ZCWPW2: variants seen among roughly 807,000 people sequenced by gnomAD.
ZCWPW2 encodes zinc finger CW-type and PWWP domain containing 2.
Under a neutral mutation model 46.6 loss-of-function variants are expected in ZCWPW2, and 45 were observed. That is an observed-to-expected ratio of 0.96 (90% CI 0.76 to 1.24). ZCWPW2 has a LOEUF of 1.24. Ranked by LOEUF, ZCWPW2 falls within the 50% of genes most tolerant of loss-of-function variation. ZCWPW2 has a pLI of 0.00. For missense variants in ZCWPW2, 429 were observed against 403.9 expected, an observed-to-expected ratio of 1.06 and a Z score of -0.53; for synonymous variants, 152 against 137.1, an observed-to-expected ratio of 1.11 and a Z score of -0.76.
chr3:28,392,065 C>G (rs578024715), intron 2 of ZCWPW2, among the ~76,000 whole-genome samples: 1 of 152,244 alleles, frequency 6.6e-6, no homozygotes, highest in East Asian at 1.9e-4. Context: ...AAAGAAAGAT[C>G]TGATAATATG....
At chr3:28,388,412 G>T (rs1695359883) in intron 1 of ZCWPW2, among the ~76,000 whole-genome samples, 1 of 152,088 alleles carries the variant, frequency 6.6e-6, no homozygotes, top group Non-Finnish European at 1.5e-5. Context: ...TCGTACTTTT[G>T]CCTAATATGA....
Position 28,521,038 on chromosome 3 carries a change from G to A in ZCWPW2, c.831G>A (p.Leu277=). ...TACTAAAAGAGCTGGAGCAAATGCT[G>A]CAGCAAGCACTGCAACCCACAGCCA... is the stretch of plus-strand genomic sequence containing the variant. ...EVLLKELEQM[L]QQALQPTATP... The change falls in exon 9 of 10, where the codon CTG becomes CTA. Residue 277 remains leucine, a synonymous_variant. Transcript: ENST00000383768. 1 of 1,613,102 alleles carries A rather than the reference G, an allele frequency of 6.2e-7. No homozygotes were observed. The highest frequency in any genetic ancestry group is 8.5e-7 in the Non-Finnish European group (1 of 1,179,672).
chr3:28,477,485 C>A (rs55934504), intron 4 of ZCWPW2, among the ~76,000 whole-genome samples: 4,027 of 152,264 alleles, frequency 0.026, 158 homozygotes, highest in African/African-American at 0.086. Flanking sequence ...TTGCCTCCAT[C>A]TTCATGGACC....
chr3:28,440,951 C>G (rs1169819441), intron 4 of ZCWPW2, among the ~76,000 whole-genome samples: 2 of 152,186 alleles, frequency 1.3e-5, no homozygotes, highest in African/African-American at 2.4e-5. Context: ...ATATCGAAGA[C>G]TCAGTGTTGG....
At chr3:28,499,818 G>T (rs1700092695) in intron 6 of ZCWPW2, among the ~76,000 whole-genome samples, 1 of 151,828 alleles carries the variant, frequency 6.6e-6, no homozygotes, top group Admixed American at 6.6e-5. Flanking sequence ...TATTTTTTCT[G>T]ATTGATTTGT....
chr3:28,370,306 A>G (rs1435660335), intron 1 of ZCWPW2, among the ~76,000 whole-genome samples: 2 of 152,170 alleles, frequency 1.3e-5, no homozygotes, highest in Non-Finnish European at 2.9e-5. Context: ...CTTCACCCCA[A>G]AAAACATTCA....
chr3:28,413,425 TTTTG>T, intron 3 of ZCWPW2, 25 bp downstream of exon 3: 1 of 1,552,576 alleles, frequency 6.4e-7, no homozygotes, highest in East Asian at 2.3e-5. Flanking sequence ...GTTTTATGAC[TTTTG>T]AAATGTAGTC....
intron 6 of ZCWPW2, among the ~76,000 whole-genome samples, chr3:28,511,340 T>A (rs1265019974): frequency 1.3e-5 from 2 of 152,134 alleles, no homozygotes; most frequent in Non-Finnish European, 2.9e-5. Flanking sequence ...TGAATGTACA[T>A]AATGTAAACA....
At chr3:28,362,095 C>T (rs1246457572) in intron 1 of ZCWPW2, among the ~76,000 whole-genome samples, 1 of 152,004 alleles carries the variant, frequency 6.6e-6, no homozygotes, top group African/African-American at 2.4e-5. Flanking sequence ...CAGTCGCTCA[C>T]AGTGACCAAA....
At chr3:28,501,787 C>A (rs1035057623) in intron 6 of ZCWPW2, among the ~76,000 whole-genome samples, 3 of 152,042 alleles carry the variant, frequency 2.0e-5, no homozygotes, top group Non-Finnish European at 4.4e-5. Flanking sequence ...ACAAGGCTGT[C>A]GCCCAGGCTG....
chr3:28,434,548 G>A (rs991571395), intron 3 of ZCWPW2, among the ~76,000 whole-genome samples: 1 of 152,280 alleles, frequency 6.6e-6, no homozygotes. Context: ...ACCTGGCAAT[G>A]CAGCAGATGG....
intron 4 of ZCWPW2, among the ~76,000 whole-genome samples, chr3:28,439,125 A>G (rs1311568945): frequency 6.8e-6 from 1 of 146,078 alleles, no homozygotes; most frequent in Non-Finnish European, 1.5e-5. Flanking sequence ...GGATATATAT[A>G]TACACACATC....
intron 1 of ZCWPW2, among the ~76,000 whole-genome samples, chr3:28,362,075 G>A (rs988561107): frequency 8.5e-5 from 13 of 152,078 alleles, no homozygotes; most frequent in Non-Finnish European, 1.3e-4. Flanking sequence ...CTATATTCTC[G>A]TGTTCATTGC....
intron 4 of ZCWPW2, among the ~76,000 whole-genome samples, chr3:28,463,116 A>C (rs959345888): frequency 2.6e-5 from 4 of 152,168 alleles, no homozygotes; most frequent in African/African-American, 9.7e-5. Flanking sequence ...TCATTTATCA[A>C]AAATAATCTT....
In ZCWPW2 at chr3:28,474,804, TTTGTTGTTGTTGTTG is replaced by T. The variant is rs139673277; in HGVS notation, c.493-3986_493-3972del. ...GTCTCATGTCAGTATGTCTGAACTA[TTTGTTGTTGTTGTTG>T]TTGTTGTTGTTGTTGTTGTTGTTTG... On this transcript the variant is annotated intron_variant, in intron 4 of 9. Transcript: ENST00000383768. Among the ~76,000 whole-genome samples, 243 of 148,942 alleles carry T rather than the reference TTTGTTGTTGTTGTTG, an allele frequency of 1.6e-3. 3 individuals carry two copies. The highest frequency in any genetic ancestry group is 5.6e-3 in the African/African-American group (226 of 40,220).
At chr3:28,498,067 C>A (rs1667111013) in intron 6 of ZCWPW2, among the ~76,000 whole-genome samples, 1 of 151,750 alleles carries the variant, frequency 6.6e-6, no homozygotes, top group African/African-American at 2.4e-5. Flanking sequence ...CTTGTGCAGG[C>A]CAGAATTAAT....
rs148621349 is a variant in ZCWPW2, at chr3:28,474,100, A to G, written c.493-4714A>G. Among the ~76,000 whole-genome samples, 40 of 152,324 alleles carry G rather than the reference A, an allele frequency of 2.6e-4. No individual in the cohort carries two copies. In the East Asian group the frequency reaches 7.7e-3, roughly 29 times the overall value. On this transcript the variant is annotated intron_variant, in intron 4 of 9. Coordinates refer to ENST00000383768, the MANE Select transcript of ZCWPW2 (RefSeq NM_001040432.4). ...ATTTACCCTGATCTAATTATTACAC[A>G]TTACATGCCTGTATCAAGATACCTT...
At chr3:28,478,753 ATT>A in intron 4 of ZCWPW2, 59 bp from the exon 5 acceptor site, 1 of 875,376 alleles carries the variant, frequency 1.1e-6, no homozygotes, top group Non-Finnish European at 1.6e-6. Flanking sequence ...TAATAAGTGG[ATT>A]TTAAAACAAA....
chr3:28,478,996 A>G (rs1481584957), intron 5 of ZCWPW2, 65 bp downstream of exon 5: 5 of 1,059,574 alleles, frequency 4.7e-6, no homozygotes, highest in African/African-American at 1.7e-5. Context: ...GTTTTCCAAA[A>G]TATGTTTGCT....
Sources: gnomAD v4.1 joint callset for allele counts (sites outside exome capture counted in the v4.1 genomes callset) on GRCh38, gnomAD v4.1.1 for gene constraint, MANE v1.5 for transcripts, NCBI Gene and HGNC (gene_info 2026-07-23, HGNC 2026-07-21) for gene names.